The following EPHA4 variants were observed in gnomAD, a reference collection of about 807,000 sequenced individuals.
The protein encoded by EPHA4 is ephrin type-A receptor 4.
EPHA4 carries 19 observed loss-of-function variants against 108.3 expected under a neutral mutation model. The observed-to-expected ratio is 0.18, with a 90% CI of 0.12 to 0.26. EPHA4 has a LOEUF of 0.26. Ranked by LOEUF, EPHA4 falls within the 10% of genes least tolerant of loss-of-function variation. The pLI is 1.00. For synonymous variants in EPHA4, 449 were observed against 455.5 expected, an observed-to-expected ratio of 0.99 and a Z score of 0.18; for missense variants, 917 against 1,254.0, an observed-to-expected ratio of 0.73 and a Z score of 4.06.
intron 15 of EPHA4, among the ~76,000 whole-genome samples, chr2:221,427,517 C>A (rs951984501): frequency 6.6e-6 from 1 of 152,142 alleles, no homozygotes; most frequent in African/African-American, 2.4e-5. Flanking sequence ...TGCTGAATAA[C>A]CATAGAGCAG....
At chr2:221,482,246 G>A (rs1691842148) in intron 5 of EPHA4, 106 bp downstream of exon 5, 5 of 1,171,454 alleles carry the variant, frequency 4.3e-6, no homozygotes, top group Non-Finnish European at 5.9e-6. Flanking sequence ...CAGCTCCCAG[G>A]CTTGATTGAT....
At chr2:221,568,425 C>T (rs369491010) in intron 2 of EPHA4, among the ~76,000 whole-genome samples, 58 of 152,214 alleles carry the variant, frequency 3.8e-4, no homozygotes, top group African/African-American at 1.3e-3. Flanking sequence ...ATTTGGTCCC[C>T]GGATCATATT....
chr2:221,550,567 T>C (rs939564109), intron 3 of EPHA4, among the ~76,000 whole-genome samples: 8 of 152,158 alleles, frequency 5.3e-5, no homozygotes, highest in African/African-American at 1.9e-4. Context: ...CTTAGATATA[T>C]TATCTTATTT....
chr2:221,534,753 C>G (rs923052912), intron 3 of EPHA4, among the ~76,000 whole-genome samples: 2 of 152,114 alleles, frequency 1.3e-5, no homozygotes, highest in African/African-American at 4.8e-5. Context: ...AACTCAATAG[C>G]CTTTCAGTTC....
chr2:221,434,371 A>T, intron 13 of EPHA4, 80 bp from the exon 14 acceptor site: 1 of 1,469,086 alleles, frequency 6.8e-7, no homozygotes, highest in Non-Finnish European at 9.3e-7. Flanking sequence ...AGTTCCTGCT[A>T]GCCAAGCAGG....
At chr2:221,552,020 A>G (rs958245187) in intron 3 of EPHA4, among the ~76,000 whole-genome samples, 2 of 152,116 alleles carry the variant, frequency 1.3e-5, no homozygotes, top group Non-Finnish European at 2.9e-5. Context: ...GAACACAGTA[A>G]TGAAATCTCA....
chr2:221,541,933 T>G (rs1693851564), intron 3 of EPHA4, among the ~76,000 whole-genome samples: 1 of 152,208 alleles, frequency 6.6e-6, no homozygotes, highest in Non-Finnish European at 1.5e-5. Context: ...TAAACAGTAT[T>G]TGTTTCATAA....
At chr2:221,426,694 T>C (rs759301477) in intron 15 of EPHA4, 75 bp from the exon 16 acceptor site, 1 of 1,342,458 alleles carries the variant, frequency 7.4e-7, no homozygotes. Flanking sequence ...TCTGATTGCC[T>C]CAAATAGGCA....
intron 5 of EPHA4, among the ~76,000 whole-genome samples, chr2:221,475,335 G>A (rs1488228226): frequency 6.6e-6 from 1 of 152,170 alleles, no homozygotes; most frequent in Non-Finnish European, 1.5e-5. Context: ...GTTCAAGAAA[G>A]CAAAGTTATG....
chr2:221,463,375 T>A (rs570675146), intron 5 of EPHA4, among the ~76,000 whole-genome samples: 7 of 152,332 alleles, frequency 4.6e-5, no homozygotes, highest in African/African-American at 1.7e-4. Flanking sequence ...TACAAATCCC[T>A]GAGAAACTGA....
intron 5 of EPHA4, among the ~76,000 whole-genome samples, chr2:221,474,422 T>TAAA (rs35346087): frequency 8.3e-4 from 119 of 143,960 alleles, no homozygotes; most frequent in African/African-American, 2.8e-3. Context: ...GACTGTTTCT[T>TAAA]AAAAAAAAAA....
rs1180266608 is a variant in EPHA4 at position 221,571,194 on chromosome 2, G to GCA, written c.91+962_91+963dup. On this transcript the variant is annotated intron_variant, in intron 1 of 17. Transcript: ENST00000281821. The surrounding 1 kb of genome is among the most constrained non-coding windows in gnomAD (Gnocchi z 6.3). ...CAGACATGCACACACACGCAGACATGCACACACACCACACATGCAGACATG... is the reference window on the plus strand; with the variant it reads ...CAGACATGCACACACACGCAGACATGCACACACACACCACACATGCAGACATG... Among the ~76,000 whole-genome samples, 18 of 150,522 alleles carry GCA rather than the reference G, an allele frequency of 1.2e-4. No individual in the cohort carries two copies. Among genetic ancestry groups the GCA allele is most frequent in the African/African-American group, 4.4e-4 (18 of 40,942 alleles).
intron 3 of EPHA4, among the ~76,000 whole-genome samples, chr2:221,537,377 A>G (rs1283142418): frequency 2.0e-5 from 3 of 152,212 alleles, no homozygotes; most frequent in African/African-American, 7.2e-5. Context: ...GTAAAACCCA[A>G]TATTACCCAG....
chr2:221,550,017 A>G (rs932822203), intron 3 of EPHA4, among the ~76,000 whole-genome samples: 5 of 152,276 alleles, frequency 3.3e-5, no homozygotes, highest in African/African-American at 9.6e-5. Context: ...TACACAAGTA[A>G]TGAGAAATTT....
intron 2 of EPHA4, 137 bp downstream of exon 2, chr2:221,568,581 C>T (rs923647822): frequency 1.7e-5 from 10 of 594,646 alleles, no homozygotes; most frequent in Admixed American, 6.8e-5. Flanking sequence ...TCCAACAAAG[C>T]GTAATTCACT....
chr2:221,446,219 C>T, intron 8 of EPHA4, 38 bp from the exon 9 acceptor site: 1 of 1,330,660 alleles, frequency 7.5e-7, no homozygotes, highest in Non-Finnish European at 1.0e-6. Flanking sequence ...TTATTTTCCT[C>T]AAACACCTAA....
intron 17 of EPHA4, among the ~76,000 whole-genome samples, chr2:221,423,264 A>T (rs1689808111): frequency 6.6e-6 from 1 of 152,252 alleles, no homozygotes; most frequent in Non-Finnish European, 1.5e-5. Context: ...TGAGTTATAA[A>T]GAAAAGTGGA....
At chr2:221,567,172 C>T (rs1039191301) in intron 2 of EPHA4, among the ~76,000 whole-genome samples, 1 of 152,072 alleles carries the variant, frequency 6.6e-6, no homozygotes, top group Admixed American at 6.6e-5. Flanking sequence ...TATATACTCT[C>T]TTCAAACTTA....
intron 5 of EPHA4, among the ~76,000 whole-genome samples, chr2:221,472,355 A>G (rs1691513722): frequency 6.6e-6 from 1 of 151,514 alleles, no homozygotes; most frequent in Admixed American, 6.6e-5. Flanking sequence ...TCCAGCTTGC[A>G]GTATGTTATC....
Sources: allele counts gnomAD v4.1 joint callset (sites outside exome capture counted in the v4.1 genomes callset), GRCh38; gene constraint gnomAD v4.1.1; non-coding constraint Gnocchi (gnomAD v3.1); transcripts MANE v1.5; gene names NCBI Gene and HGNC (gene_info 2026-07-23, HGNC 2026-07-21).